The following RBFOX3 variants were observed in gnomAD, a reference collection of about 807,000 sequenced individuals.
RBFOX3 encodes RNA binding fox-1 homolog 3, also known as RNA binding protein fox-1 homolog 3.
RBFOX3 carries 17 observed loss-of-function variants against 48.7 expected under a neutral mutation model. That is an observed-to-expected ratio of 0.35 (90% CI 0.24 to 0.52). The LOEUF is 0.52. Among genes scored for constraint, RBFOX3 ranks in the 20% least tolerant of loss-of-function variants. RBFOX3 has a pLI of 0.94. For synonymous variants in RBFOX3, 212 were observed against 209.5 expected (o/e 1.01, Z -0.10); for missense variants, 382 against 497.5 (o/e 0.77, Z 2.21).
chr17:79,353,241 C>T (rs1352155384), intron 2 of RBFOX3, among the ~76,000 whole-genome samples: 1 of 152,156 alleles, frequency 6.6e-6, no homozygotes, highest in Non-Finnish European at 1.5e-5. Context: ...TGTTTGAGTC[C>T]CTGCTGAAGT....
chr17:79,228,089 A>G (rs1026610479), intron 4 of RBFOX3, among the ~76,000 whole-genome samples: 1 of 152,158 alleles, frequency 6.6e-6, no homozygotes, highest in African/African-American at 2.4e-5. Flanking sequence ...CTTCCTCCGT[A>G]GGACGGAGCC....
intron 1 of RBFOX3, among the ~76,000 whole-genome samples, chr17:79,576,935 T>A (rs2092882381): frequency 6.6e-6 from 1 of 152,162 alleles, no homozygotes; most frequent in African/African-American, 2.4e-5. Context: ...TATGGCTTGA[T>A]GTTTCCTGCT....
At chr17:79,172,782 C>A (rs2145796217) in intron 4 of RBFOX3, among the ~76,000 whole-genome samples, 1 of 152,356 alleles carries the variant, frequency 6.6e-6, no homozygotes, top group African/African-American at 2.4e-5. Context: ...AAAGACAGTA[C>A]AGACACAAGA....
At chr17:79,202,879 CG>C (rs1286886638) in intron 4 of RBFOX3, among the ~76,000 whole-genome samples, 9 of 152,314 alleles carry the variant, frequency 5.9e-5, no homozygotes, top group African/African-American at 1.9e-4. Context: ...CTTGGCTGGA[CG>C]GGGAGAGGAC....
At chr17:79,465,126 C>T (rs1299461573) in intron 2 of RBFOX3, among the ~76,000 whole-genome samples, 1 of 152,176 alleles carries the variant, frequency 6.6e-6, no homozygotes, top group Non-Finnish European at 1.5e-5. Context: ...TCGTGTCTTC[C>T]TCCTCTGGCC....
chr17:79,633,740 G>A, the RBFOX3 span, among the ~76,000 whole-genome samples: 4 of 152,150 alleles, frequency 2.6e-5, no homozygotes, highest in African/African-American at 9.7e-5. Context: ...GGCATCGGAG[G>A]CTGCTCTCGG....
At chr17:79,097,450 G>T (rs1469391794) in intron 10 of RBFOX3, 26 bp from the exon 11 acceptor site, 6 of 1,526,314 alleles carry the variant, frequency 3.9e-6, no homozygotes, top group African/African-American at 1.4e-5. Flanking sequence ...CCCGAGACAC[G>T]TGTGAGAGGC....
At chr17:79,125,783 C>T (rs943730591) in intron 4 of RBFOX3, among the ~76,000 whole-genome samples, 5 of 152,290 alleles carry the variant, frequency 3.3e-5, no homozygotes, top group African/African-American at 9.6e-5. Flanking sequence ...AGGCTGGTGG[C>T]GAGGCTGGGC....
chr17:79,120,814 C>T (rs1198877990), intron 4 of RBFOX3, among the ~76,000 whole-genome samples: 1 of 151,870 alleles, frequency 6.6e-6, no homozygotes, highest in African/African-American at 2.4e-5. Flanking sequence ...AGTTGTTATC[C>T]TCCCTTCCTC....
intron 4 of RBFOX3, among the ~76,000 whole-genome samples, chr17:79,157,217 C>A (rs957974223): frequency 6.6e-6 from 1 of 152,194 alleles, no homozygotes; most frequent in Admixed American, 6.5e-5. Flanking sequence ...CAGGGGCCCC[C>A]ACTCTGTCCT....
At chr17:79,265,600 C>T (rs186756961) in intron 3 of RBFOX3, among the ~76,000 whole-genome samples, 9 of 152,290 alleles carry the variant, frequency 5.9e-5, no homozygotes, top group South Asian at 4.1e-4. Context: ...CCCCTGGGCA[C>T]GCGGGTCTGT....
At chr17:79,468,457 T>A (rs2076597234) in intron 2 of RBFOX3, among the ~76,000 whole-genome samples, 2 of 151,362 alleles carry the variant, frequency 1.3e-5, no homozygotes, top group Non-Finnish European at 2.9e-5. Flanking sequence ...AGACAATAGA[T>A]CAACAAATGA....
intron 4 of RBFOX3, among the ~76,000 whole-genome samples, chr17:79,146,661 C>CATCT: frequency 6.6e-6 from 1 of 152,336 alleles, no homozygotes; most frequent in East Asian, 1.9e-4. Flanking sequence ...GACCAGCTGC[C>CATCT]ATCTGCGAGT....
At chr17:79,232,858 GACA>G (rs767821677) in intron 4 of RBFOX3, among the ~76,000 whole-genome samples, 11 of 152,200 alleles carry the variant, frequency 7.2e-5, no homozygotes, top group Non-Finnish European at 1.3e-4. Flanking sequence ...TATGAAGACT[GACA>G]ACACCAAGGG....
chr17:79,350,631 C>A (rs2083740401), intron 2 of RBFOX3, among the ~76,000 whole-genome samples: 1 of 152,210 alleles, frequency 6.6e-6, no homozygotes, highest in Non-Finnish European at 1.5e-5. Context: ...CCCTGCCCCA[C>A]CATGCCTCTG....
the RBFOX3 span, among the ~76,000 whole-genome samples, chr17:79,661,130 A>T: frequency 2.6e-5 from 4 of 152,130 alleles, no homozygotes; most frequent in African/African-American, 9.7e-5. Flanking sequence ...CCTGTTGGGC[A>T]GGGGGAGGGA....
At position 79,555,454 on chromosome 17, in the gene RBFOX3, GTGA is replaced by G. The variant is rs1238497914; in HGVS notation, c.-320+55369_-320+55371del. 1.8e-4 allele frequency among the ~76,000 whole-genome samples: 25 copies of G among 135,414 alleles called. 1 individual carries two copies. The highest frequency in any genetic ancestry group is 2.5e-4 in the East Asian group (1 of 3,996). The allele number at this position is 135,414 out of a possible 152,430, so 88.8% of individuals were successfully genotyped here. A position where few individuals can be genotyped will look rare whatever the true frequency, so the allele number is the denominator to read the frequency against. ...GGTGATGATGGTAGTTGTGGTGGTA[GTGA>G]TGATGATGATGACAATGATAATGGT... On this transcript the variant is annotated intron_variant, in intron 1 of 14. Transcript: ENST00000693108.
chr17:79,649,567 A>G, the RBFOX3 span, among the ~76,000 whole-genome samples: 1 of 152,212 alleles, frequency 6.6e-6, no homozygotes, highest in Non-Finnish European at 1.5e-5. Flanking sequence ...CTAGCCAGGC[A>G]TGATGGCGGA....
At chr17:79,290,653 G>A (rs952109017) in intron 3 of RBFOX3, among the ~76,000 whole-genome samples, 6 of 152,292 alleles carry the variant, frequency 3.9e-5, no homozygotes, top group Non-Finnish European at 7.3e-5. Context: ...GGTCAGGCCC[G>A]AGGGAAATAA....
Sources: allele counts gnomAD v4.1 joint callset (sites outside exome capture counted in the v4.1 genomes callset), GRCh38; gene constraint gnomAD v4.1.1; transcripts MANE v1.5; gene names NCBI Gene and HGNC (gene_info 2026-07-23, HGNC 2026-07-21).